DTNB: variants seen among roughly 807,000 people sequenced by gnomAD.
DTNB encodes the protein dystrobrevin beta, also known as DTN-B.
DTNB carries 63 observed loss-of-function variants against 90.7 expected under a neutral mutation model. That is an observed-to-expected ratio of 0.69 (90% CI 0.57 to 0.86). The LOEUF is 0.86. Ranked by LOEUF, DTNB falls within the 40% of genes least tolerant of loss-of-function variation. The probability of loss-of-function intolerance (pLI) is 0.00; values close to 1 mark genes in which losing one functional copy is unlikely to be tolerated. For missense variants in DTNB, 744 were observed against 807.1 expected, an observed-to-expected ratio of 0.92 and a Z score of 0.95; for synonymous variants, 277 against 286.7, an observed-to-expected ratio of 0.97 and a Z score of 0.34.
At chr2:25,427,716 T>C in intron 14 of DTNB, 85 bp from the exon 15 acceptor site, 2 of 1,288,908 alleles carry the variant, frequency 1.6e-6, no homozygotes, top group Non-Finnish European at 2.2e-6. Context: ...GACCTGATCC[T>C]GCTACTTACC....
At chr2:25,480,426 T>A (rs543196998) in intron 10 of DTNB, among the ~76,000 whole-genome samples, 1 of 152,334 alleles carries the variant, frequency 6.6e-6, no homozygotes, top group South Asian at 2.1e-4. Flanking sequence ...TGAAGCAGCT[T>A]TCAAAAATGA....
chr2:25,436,286 G>T (rs2055738997), intron 12 of DTNB, among the ~76,000 whole-genome samples: 1 of 152,014 alleles, frequency 6.6e-6, no homozygotes. Flanking sequence ...AGTGAGCTGA[G>T]ATTGTGCCAC....
intron 12 of DTNB, among the ~76,000 whole-genome samples, chr2:25,434,661 A>G (rs2055096649): frequency 6.6e-6 from 1 of 152,086 alleles, no homozygotes; most frequent in East Asian, 1.9e-4. Flanking sequence ...ACAAATGAAG[A>G]TGCTATGAAC....
At chr2:25,517,215 C>T (rs929624471) in intron 9 of DTNB, among the ~76,000 whole-genome samples, 11 of 152,114 alleles carry the variant, frequency 7.2e-5, no homozygotes, top group African/African-American at 9.7e-5. Flanking sequence ...ACATATTGTA[C>T]GATTCTGTTT....
At chr2:25,651,496 G>A (rs2148932185) in intron 2 of DTNB, among the ~76,000 whole-genome samples, 1 of 152,302 alleles carries the variant, frequency 6.6e-6, no homozygotes, top group South Asian at 2.1e-4. Flanking sequence ...AAGGTGTCTG[G>A]CTTGGATTAC....
At chr2:25,420,097 G>A (rs1408290756) in intron 15 of DTNB, among the ~76,000 whole-genome samples, 6 of 151,998 alleles carry the variant, frequency 3.9e-5, no homozygotes, top group African/African-American at 7.3e-5. Flanking sequence ...ACAGCAATGC[G>A]TTCAATCTTG....
intron 16 of DTNB, among the ~76,000 whole-genome samples, chr2:25,415,876 T>C (rs1434044002): frequency 6.6e-6 from 1 of 152,178 alleles, no homozygotes; most frequent in Non-Finnish European, 1.5e-5. Flanking sequence ...ACCTGTGCCC[T>C]TATAATAACC....
chr2:25,572,818 A>G (rs537775675), intron 8 of DTNB, among the ~76,000 whole-genome samples: 7 of 152,190 alleles, frequency 4.6e-5, no homozygotes, highest in African/African-American at 1.7e-4. Flanking sequence ...ACCACACACA[A>G]AAAGTTCTTT....
intron 16 of DTNB, among the ~76,000 whole-genome samples, chr2:25,417,167 T>C (rs764179811): frequency 6.6e-6 from 1 of 152,178 alleles, no homozygotes; most frequent in Non-Finnish European, 1.5e-5. Context: ...ATTCACGCTA[T>C]GGACAGTCCT....
In DTNB at chr2:25,424,362, C is replaced by T. The variant is rs961818783; in HGVS notation, c.1554+3173G>A. 6.6e-6 allele frequency among the ~76,000 whole-genome samples: 1 copy of T among 152,106 alleles called. No homozygotes were observed. Among genetic ancestry groups the T allele is most frequent in the Admixed American group, 6.5e-5 (1 of 15,272 alleles). On this transcript the variant is annotated intron_variant, in intron 15 of 20. Coordinates refer to ENST00000406818, the MANE Select transcript of DTNB (RefSeq NM_021907.5). The surrounding 1 kb of genome is among the most constrained non-coding windows in gnomAD (Gnocchi z 4.1). ...AACTCAGGGTTTGGGATCAGAGTTG[C>T]GGGCATTAGCTCGTTCTGCTTAGCC...
chr2:25,592,361 TTTA>T, intron 6 of DTNB, among the ~76,000 whole-genome samples: 1 of 152,256 alleles, frequency 6.6e-6, no homozygotes, highest in African/African-American at 2.4e-5. Context: ...TCAGATTAGT[TTTA>T]TTAAGAAACC....
In DTNB at chr2:25,574,641, T is replaced by C. The variant is rs541932386; in HGVS notation, c.876+2197A>G. 3.9e-5 allele frequency among the ~76,000 whole-genome samples: 6 copies of C among 152,330 alleles called. No homozygotes were observed. The South Asian group carries it at 1.2e-3, about 32-fold the overall frequency. ...CAATCTCAAAGAAATTACTATTAAA[T>C]TGATAGCACATCTTTTTGTTAGCTG... On this transcript the variant is annotated intron_variant, in intron 8 of 20. Coordinates refer to ENST00000406818, the MANE Select transcript of DTNB (RefSeq NM_021907.5).
At position 25,618,593 on chromosome 2, in the gene DTNB, G is replaced by A. The variant is rs114670288; in HGVS notation, c.362+9578C>T. Among the ~76,000 whole-genome samples, 744 of 152,312 alleles carry A rather than the reference G, an allele frequency of 4.9e-3. 4 individuals are homozygous for A. The highest frequency in any genetic ancestry group is 8.7e-3 in the Non-Finnish European group (592 of 68,038). On this transcript the variant is annotated intron_variant, in intron 4 of 20. Coordinates refer to ENST00000406818, the MANE Select transcript of DTNB (RefSeq NM_021907.5). ...AAATCTGGCCTATGATAGCTACAGA[G>A]TTGATTGGTAGGTCAACATTTGAAA...
intron 3 of DTNB, among the ~76,000 whole-genome samples, chr2:25,638,786 T>A (rs2148827686): frequency 6.6e-6 from 1 of 152,306 alleles, no homozygotes; most frequent in East Asian, 1.9e-4. Context: ...TTAAAGAACA[T>A]TAATACTACA....
rs187135586 is a variant in DTNB at position 25,387,369 on chromosome 2, C to T, written c.1745G>A (p.Arg582Lys). 447 of 1,612,182 alleles carry T rather than the reference C, an allele frequency of 2.8e-4. 1 individual carries two copies. The African/African-American group carries it at 2.9e-3, about 10-fold the overall frequency. The change falls in exon 18 of 21, where the codon AGA becomes AAA. Residue 582 changes from arginine to lysine, a missense_variant. Arg to Lys is a conservative substitution (Grantham distance 26). Coordinates refer to ENST00000406818, the MANE Select transcript of DTNB (RefSeq NM_021907.5). The surrounding 1 kb of genome is among the most constrained non-coding windows in gnomAD (Gnocchi z 4.5). ...CACCAGCAGGTCATTGCGGAGGTTT[C>T]TCCTCGTACCTGAGGAGAGGCAGAG... is the stretch of plus-strand genomic sequence containing the variant. ...VQEAFAQGTR[R>K]NLRNDLLVAA...
intron 12 of DTNB, among the ~76,000 whole-genome samples, chr2:25,438,499 A>C (rs1012487290): frequency 2.0e-5 from 3 of 152,140 alleles, no homozygotes; most frequent in African/African-American, 7.2e-5. Context: ...TGTGGTGTGA[A>C]GCCACTGTAG....
chr2:25,669,258 ATTG>A (rs1314544879), intron 1 of DTNB, among the ~76,000 whole-genome samples: 4 of 152,218 alleles, frequency 2.6e-5, no homozygotes, highest in Non-Finnish European at 5.9e-5. Context: ...AATGGTTAAA[ATTG>A]TTATTTTTAT....
At chr2:25,550,688 T>TTTTTTTTTGAGATGG (rs1275142041) in intron 8 of DTNB, among the ~76,000 whole-genome samples, 2 of 152,080 alleles carry the variant, frequency 1.3e-5, no homozygotes, top group African/African-American at 4.8e-5. Context: ...TTTTCTTTTT[T>TTTTTTTTTGAGATGG]ACTCAGGCTG....
intron 8 of DTNB, among the ~76,000 whole-genome samples, chr2:25,575,231 C>A (rs1285672612): frequency 2.0e-5 from 3 of 149,012 alleles, no homozygotes; most frequent in African/African-American, 4.9e-5. Context: ...TTAGACTCTA[C>A]ACACACACAC....
Sources: gnomAD v4.1 joint callset for allele counts (sites outside exome capture counted in the v4.1 genomes callset) on GRCh38, gnomAD v4.1.1 for gene constraint, Gnocchi (gnomAD v3.1) non-coding constraint, MANE v1.5 for transcripts, NCBI Gene and HGNC (gene_info 2026-07-23, HGNC 2026-07-21) for gene names.